Variants in NRXN1 observed in about 807,000 individuals in gnomAD.
NRXN1 encodes the protein neurexin-1.
NRXN1 carries 39 observed loss-of-function variants against 150.9 expected under a neutral mutation model. That is an observed-to-expected ratio of 0.26 (90% CI 0.20 to 0.34). The LOEUF (loss-of-function observed/expected upper bound fraction) is 0.34. Among genes scored for constraint, NRXN1 ranks in the 10% least tolerant of loss-of-function variants. NRXN1 has a pLI of 1.00. For synonymous variants in NRXN1, 924 were observed against 757.0 expected (o/e 1.22, Z -3.62); for missense variants, 1,815 against 1,949.9 (o/e 0.93, Z 1.30).
chr2:50,084,250 G>C (rs1373629739), intron 19 of NRXN1, among the ~76,000 whole-genome samples: 5 of 152,208 alleles, frequency 3.3e-5, no homozygotes, highest in Admixed American at 3.3e-4. Flanking sequence ...CGGTGGATGA[G>C]ACTGGGTGCC....
chr2:50,011,147 C>T (rs913880629), intron 21 of NRXN1, among the ~76,000 whole-genome samples: 1 of 152,096 alleles, frequency 6.6e-6, no homozygotes, highest in African/African-American at 2.4e-5. Flanking sequence ...GGCTATGAGA[C>T]CTGATATAGT....
At chr2:50,586,583 C>G (rs1281756470) in intron 8 of NRXN1, among the ~76,000 whole-genome samples, 1 of 151,772 alleles carries the variant, frequency 6.6e-6, no homozygotes, top group East Asian at 1.9e-4. Context: ...AAAAAGTAGA[C>G]TAATCAAAAG....
chr2:50,847,281 A>AT (rs1445158627), intron 5 of NRXN1, among the ~76,000 whole-genome samples: 6 of 152,120 alleles, frequency 3.9e-5, no homozygotes, highest in Non-Finnish European at 8.8e-5. Context: ...TTTTAAAGTA[A>AT]TTGTGACCAG....
chr2:50,769,613 C>G (rs1702770551), intron 5 of NRXN1, among the ~76,000 whole-genome samples: 2 of 152,024 alleles, frequency 1.3e-5, no homozygotes, highest in Non-Finnish European at 2.9e-5. Flanking sequence ...ACCACGGGAC[C>G]CGTTGCCTGG....
chr2:50,019,990 TA>T (rs1687317163), intron 21 of NRXN1, among the ~76,000 whole-genome samples: 1 of 130,690 alleles, frequency 7.7e-6, no homozygotes. Flanking sequence ...GAGAGAGACC[TA>T]GGGAGCTACG....
intron 5 of NRXN1, among the ~76,000 whole-genome samples, chr2:50,653,811 A>C (rs533252947): frequency 2.0e-5 from 3 of 152,016 alleles, no homozygotes; most frequent in South Asian, 4.1e-4. Context: ...TGTAGGATTC[A>C]CTAAGCTGCG....
chr2:50,516,405 G>A (rs2092631824), intron 12 of NRXN1, among the ~76,000 whole-genome samples: 1 of 152,116 alleles, frequency 6.6e-6, no homozygotes, highest in Admixed American at 6.5e-5. Context: ...GCTTCCTTTA[G>A]TAGATTCTAC....
At chr2:50,494,464 A>G (rs556795274) in intron 15 of NRXN1, among the ~76,000 whole-genome samples, 1 of 152,176 alleles carries the variant, frequency 6.6e-6, no homozygotes, top group East Asian at 1.9e-4. Context: ...CTTCAATCAG[A>G]GGGAATAAAG....
chr2:50,268,952 C>G (rs1413239088), intron 17 of NRXN1, among the ~76,000 whole-genome samples: 1 of 152,114 alleles, frequency 6.6e-6, no homozygotes, highest in Non-Finnish European at 1.5e-5. Context: ...GATGCCTAGA[C>G]AGGTGAGTAA....
intron 17 of NRXN1, among the ~76,000 whole-genome samples, chr2:50,247,751 T>G (rs2066644201): frequency 6.6e-6 from 1 of 152,066 alleles, no homozygotes; most frequent in Non-Finnish European, 1.5e-5. Context: ...GATCCTGGCT[T>G]TGATAGTGGA....
intron 19 of NRXN1, 23 bp downstream of exon 19, chr2:50,091,300 C>G: frequency 6.2e-7 from 1 of 1,613,640 alleles, no homozygotes; most frequent in Non-Finnish European, 8.5e-7. Context: ...AAATCTTCCC[C>G]CGATACATAT....
intron 17 of NRXN1, among the ~76,000 whole-genome samples, chr2:50,344,765 C>A (rs115553620): frequency 6.6e-6 from 1 of 152,150 alleles, no homozygotes; most frequent in Non-Finnish European, 1.5e-5. Context: ...TCCTCTCCCA[C>A]GTCCCCAGCA....
At chr2:50,619,047 C>T (rs1227318452) in intron 8 of NRXN1, 2 of 152,056 alleles carry the variant, frequency 1.3e-5, no homozygotes, top group African/African-American at 2.4e-5. Flanking sequence ...AAAGAGAAGA[C>T]AGGGAAGGAT....
At chr2:50,274,304 C>G (rs931476854) in intron 17 of NRXN1, among the ~76,000 whole-genome samples, 1 of 152,086 alleles carries the variant, frequency 6.6e-6, no homozygotes, top group African/African-American at 2.4e-5. Flanking sequence ...GAACAGGAAA[C>G]CAAACACTGC....
At chr2:50,219,802 T>C (rs2063668973) in intron 18 of NRXN1, among the ~76,000 whole-genome samples, 1 of 148,602 alleles carries the variant, frequency 6.7e-6, no homozygotes, top group East Asian at 2.0e-4. Context: ...GCGAGAAGAT[T>C]GCTTGAGCCT....
chr2:50,612,785 A>C (rs1339737759), intron 8 of NRXN1, among the ~76,000 whole-genome samples: 2 of 152,196 alleles, frequency 1.3e-5, no homozygotes, highest in Non-Finnish European at 2.9e-5. Flanking sequence ...ACTCACAGCC[A>C]TGTGTTCTGT....
intron 17 of NRXN1, among the ~76,000 whole-genome samples, chr2:50,292,158 G>GT (rs1158269340): frequency 2.0e-5 from 3 of 152,100 alleles, no homozygotes; most frequent in Non-Finnish European, 4.4e-5. Flanking sequence ...AGTAAAGGAG[G>GT]TTTTTTACAT....
At chr2:50,972,489 T>A (rs1055134320) in intron 2 of NRXN1, among the ~76,000 whole-genome samples, 2 of 152,076 alleles carry the variant, frequency 1.3e-5, no homozygotes, top group African/African-American at 4.8e-5. Context: ...ATCCATAGAC[T>A]GGGGAGGGGG....
At chr2:50,803,664 C>T (rs565378514) in intron 5 of NRXN1, among the ~76,000 whole-genome samples, 285 of 152,264 alleles carry the variant, frequency 1.9e-3, no homozygotes, top group Non-Finnish European at 2.2e-3. Context: ...AAATGGTAAG[C>T]TTAATAAACC....
Sources: allele counts gnomAD v4.1 joint callset (sites outside exome capture counted in the v4.1 genomes callset), GRCh38; gene constraint gnomAD v4.1.1; transcripts MANE v1.5; gene names NCBI Gene and HGNC (gene_info 2026-07-23, HGNC 2026-07-21).